SOX6: variants seen among roughly 807,000 people sequenced by gnomAD.
The protein encoded by SOX6 is transcription factor SOX-6.
A neutral mutation model predicts 97.8 loss-of-function variants in SOX6; 11 were observed. That is an observed-to-expected ratio of 0.11 (90% CI 0.07 to 0.19). The LOEUF is 0.19. Ranked by LOEUF, SOX6 falls within the 10% of genes least tolerant of loss-of-function variation. The pLI is 1.00. For synonymous variants in SOX6, 360 were observed against 371.4 expected, an observed-to-expected ratio of 0.97 and a Z score of 0.35; for missense variants, 810 against 1,039.5, an observed-to-expected ratio of 0.78 and a Z score of 3.04.
chr11:16,276,554 G>C (rs1318018878), intron 3 of SOX6, among the ~76,000 whole-genome samples: 1 of 152,084 alleles, frequency 6.6e-6, no homozygotes, highest in Non-Finnish European at 1.5e-5. Flanking sequence ...AAATAAAAAA[G>C]GTATAAATAG....
chr11:16,032,618 TTCTC>T (rs148244256), intron 12 of SOX6, among the ~76,000 whole-genome samples: 11 of 151,098 alleles, frequency 7.3e-5, no homozygotes, highest in Admixed American at 6.6e-5. Context: ...TTATCCTTTA[TTCTC>T]TCTCTCTCTC....
intron 1 of SOX6, among the ~76,000 whole-genome samples, chr11:16,355,298 T>C (rs148786803): frequency 6.6e-6 from 1 of 152,014 alleles, no homozygotes; most frequent in Admixed American, 6.6e-5. Flanking sequence ...TTGACAGGCA[T>C]GATGGAAAAC....
At chr11:16,244,423 G>A (rs1375926446) in intron 3 of SOX6, among the ~76,000 whole-genome samples, 2 of 151,694 alleles carry the variant, frequency 1.3e-5, no homozygotes, top group Admixed American at 6.6e-5. Context: ...CTTTTGAGGA[G>A]CTAGAGTTTT....
intron 3 of SOX6, among the ~76,000 whole-genome samples, chr11:16,631,988 G>T: frequency 6.6e-6 from 1 of 152,144 alleles, no homozygotes; most frequent in South Asian, 2.1e-4. Context: ...GATTGCTTGA[G>T]AAGTTTATTT....
chr11:16,651,355 C>T (rs1314985777), intron 3 of SOX6, among the ~76,000 whole-genome samples: 1 of 151,982 alleles, frequency 6.6e-6, no homozygotes, highest in African/African-American at 2.4e-5. Context: ...CCTTGATGAA[C>T]ATAGATGCAA....
At chr11:15,989,979 C>T (rs1590112761) in intron 13 of SOX6, among the ~76,000 whole-genome samples, 1 of 152,112 alleles carries the variant, frequency 6.6e-6, no homozygotes, top group Non-Finnish European at 1.5e-5. Context: ...GATGTCTAAA[C>T]CGAGTCTTCA....
chr11:16,683,818 A>G (rs1463334201), intron 3 of SOX6, among the ~76,000 whole-genome samples: 1 of 151,714 alleles, frequency 6.6e-6, no homozygotes, highest in African/African-American at 2.4e-5. Flanking sequence ...ATGGGAGAAA[A>G]TTTTTGCAAT....
intron 1 of SOX6, among the ~76,000 whole-genome samples, chr11:16,367,891 G>A (rs909016589): frequency 6.6e-6 from 1 of 152,142 alleles, no homozygotes; most frequent in African/African-American, 2.4e-5. Flanking sequence ...AGTAGGGAAA[G>A]TCTTCACTTA....
intron 4 of SOX6, among the ~76,000 whole-genome samples, chr11:16,541,455 AG>A (rs1399402878): frequency 6.6e-6 from 1 of 152,240 alleles, no homozygotes; most frequent in Non-Finnish European, 1.5e-5. Context: ...TGGCAACAAA[AG>A]CCAAAATAGA....
chr11:16,505,144 G>A (rs1461292051), intron 4 of SOX6, among the ~76,000 whole-genome samples: 1 of 152,188 alleles, frequency 6.6e-6, no homozygotes, highest in African/African-American at 2.4e-5. Context: ...GAAAGATGAG[G>A]GAACATTTGG....
intron 3 of SOX6, among the ~76,000 whole-genome samples, chr11:16,260,568 A>G (rs1157266964): frequency 6.6e-6 from 1 of 152,108 alleles, no homozygotes. Flanking sequence ...AAATTATAAG[A>G]TCTCAAGGTG....
intron 6 of SOX6, among the ~76,000 whole-genome samples, chr11:16,145,339 T>C (rs1207300703): frequency 6.6e-6 from 1 of 152,162 alleles, no homozygotes; most frequent in Non-Finnish European, 1.5e-5. Context: ...TAGGTATTGA[T>C]GGGACATATC....
intron 3 of SOX6, among the ~76,000 whole-genome samples, chr11:16,292,535 C>T (rs564984105): frequency 6.6e-6 from 1 of 152,220 alleles, no homozygotes; most frequent in South Asian, 2.1e-4. Flanking sequence ...GTCAACTAGA[C>T]CTTTGTTGGT....
At chr11:16,088,217 G>A (rs1020088715) in intron 9 of SOX6, among the ~76,000 whole-genome samples, 15 of 152,150 alleles carry the variant, frequency 9.9e-5, no homozygotes, top group African/African-American at 1.4e-4. Context: ...TCCCATACAT[G>A]TACAGTCTCC....
At chr11:16,108,338 C>T (rs1849147761) in intron 7 of SOX6, among the ~76,000 whole-genome samples, 1 of 152,128 alleles carries the variant, frequency 6.6e-6, no homozygotes, top group Non-Finnish European at 1.5e-5. Flanking sequence ...AAAATTCCAA[C>T]TACATAAAGC....
At chr11:16,235,930 A>G (rs1043079583) in intron 3 of SOX6, among the ~76,000 whole-genome samples, 1 of 152,058 alleles carries the variant, frequency 6.6e-6, no homozygotes, top group Non-Finnish European at 1.5e-5. Context: ...TCAATCAATC[A>G]AGGAAGGGAT....
At chr11:16,400,476 T>C (rs1858524732) in intron 1 of SOX6, among the ~76,000 whole-genome samples, 2 of 151,514 alleles carry the variant, frequency 1.3e-5, no homozygotes, top group South Asian at 4.1e-4. Flanking sequence ...ATAAATATAC[T>C]TTTGTACTAT....
rs1391239974 is a variant in SOX6, at chr11:16,302,045, A to G, written c.445+16401T>C. Among the ~76,000 whole-genome samples the G allele has an allele frequency of 2.0e-5, 3 of 152,136 alleles. No individual in the cohort carries two copies. The East Asian group carries it at 5.8e-4, about 29-fold the overall frequency. On this transcript the variant is annotated intron_variant, in intron 3 of 15. Coordinates refer to ENST00000683767, the MANE Select transcript of SOX6 (RefSeq NM_001367873.1). ...CCACTCCTAATTAGCAACCTCAACT[A>G]TACCTCAAACAGCTGATTCCTTCTC... is the stretch of plus-strand genomic sequence containing the variant.
chr11:16,256,010 A>G (rs1353891442), intron 3 of SOX6, among the ~76,000 whole-genome samples: 13 of 152,066 alleles, frequency 8.5e-5, no homozygotes, highest in Non-Finnish European at 1.8e-4. Flanking sequence ...GCAACAATTC[A>G]CACAAGAGAA....
Sources: allele counts gnomAD v4.1 joint callset (sites outside exome capture counted in the v4.1 genomes callset), GRCh38; gene constraint gnomAD v4.1.1; transcripts MANE v1.5; gene names NCBI Gene and HGNC (gene_info 2026-07-23, HGNC 2026-07-21).